The following ADAMTS19 variants were observed in gnomAD, a reference collection of about 807,000 sequenced individuals.
ADAMTS19 encodes A disintegrin and metalloproteinase with thrombospondin motifs 19.
In ADAMTS19, 93 loss-of-function variants were observed where a neutral mutation model predicts 153.3. That is an observed-to-expected ratio of 0.61 (90% CI 0.51 to 0.72). The LOEUF (loss-of-function observed/expected upper bound fraction) is 0.72. ADAMTS19 is among the 30% of genes least tolerant of loss of function. The pLI, the probability that ADAMTS19 is intolerant of heterozygous loss-of-function variation, is 0.00. For synonymous variants in ADAMTS19, 600 were observed against 556.6 expected, an observed-to-expected ratio of 1.08 and a Z score of -1.10; for missense variants, 1,482 against 1,552.1, an observed-to-expected ratio of 0.95 and a Z score of 0.76.
At chr5:129,514,187 T>C (rs1160508155) in intron 3 of ADAMTS19, among the ~76,000 whole-genome samples, 2 of 152,066 alleles carry the variant, frequency 1.3e-5, no homozygotes, top group Non-Finnish European at 2.9e-5. Flanking sequence ...TCAGTTCATC[T>C]GCTGATGGAC....
At chr5:129,568,362 TGG>T (rs36095190) in intron 7 of ADAMTS19, among the ~76,000 whole-genome samples, 2 of 151,766 alleles carry the variant, frequency 1.3e-5, no homozygotes, top group Non-Finnish European at 2.9e-5. Flanking sequence ...CAGTAATACA[TGG>T]GGGGGGATAA....
At chr5:129,701,269 TCTTTC>T (rs1421432016) in intron 19 of ADAMTS19, 114 bp from the exon 20 acceptor site, 1 of 1,138,848 alleles carries the variant, frequency 8.8e-7, no homozygotes, top group Non-Finnish European at 1.3e-6. Context: ...CAATTGGACC[TCTTTC>T]CTTTGTAAAT....
chr5:129,701,496 C>G lies in ADAMTS19; in HGVS notation c.3063C>G (p.Ala1021=). The G allele has an allele frequency of 1.2e-6, 2 of 1,614,162 alleles. No individual in the cohort carries two copies. Among genetic ancestry groups the G allele is most frequent in the African/African-American group, 2.7e-5 (2 of 75,044 alleles). ...QQLSNGTLIR[A]RERDCIGPKP... is the part of the protein sequence containing the mutation. Reference sequence around the variant, plus strand: ...TGAGCAATGGAACACTGATTAGAGCCCGAGAGAGGGACTGCATTGGGCCCA... The same window carrying G: ...TGAGCAATGGAACACTGATTAGAGCGCGAGAGAGGGACTGCATTGGGCCCA... Residue 1021 remains alanine (A), a synonymous_variant, in exon 20 of 23, where the codon GCC becomes GCG. Coordinates refer to ENST00000274487, the MANE Select transcript of ADAMTS19 (RefSeq NM_133638.6).
chr5:129,658,315 AAGAAAGAAAG>A (rs1490196187), intron 14 of ADAMTS19, among the ~76,000 whole-genome samples: 9 of 39,144 alleles, frequency 2.3e-4, no homozygotes, highest in Non-Finnish European at 5.8e-4. Context: ...AAGAAAAAGA[AAGAAAGAAAG>A]AAAGAAAGAA....
chr5:129,696,371 C>T (rs970956175), intron 19 of ADAMTS19, among the ~76,000 whole-genome samples: 1 of 152,130 alleles, frequency 6.6e-6, no homozygotes, highest in African/African-American at 2.4e-5. Flanking sequence ...GAGCAGAGAT[C>T]ATGCCATTGC....
chr5:129,724,710 G>T (rs969876617), intron 21 of ADAMTS19, among the ~76,000 whole-genome samples: 2 of 152,180 alleles, frequency 1.3e-5, no homozygotes, highest in Non-Finnish European at 2.9e-5. Flanking sequence ...TTCTGATTTT[G>T]TGGTGAAATG....
At chr5:129,732,409 G>C (rs1757478004) in intron 21 of ADAMTS19, among the ~76,000 whole-genome samples, 1 of 152,008 alleles carries the variant, frequency 6.6e-6, no homozygotes, top group African/African-American at 2.4e-5. Context: ...TAATAAGTTT[G>C]TATACCTAGA....
At chr5:129,735,717 G>A (rs903087973) in intron 22 of ADAMTS19, among the ~76,000 whole-genome samples, 2 of 151,822 alleles carry the variant, frequency 1.3e-5, no homozygotes, top group Non-Finnish European at 2.9e-5. Context: ...CTCAATTTCT[G>A]TTATTTAATC....
chr5:129,707,416 T>C (rs560581172), intron 21 of ADAMTS19, among the ~76,000 whole-genome samples: 139 of 152,328 alleles, frequency 9.1e-4, no homozygotes, highest in African/African-American at 3.1e-3. Flanking sequence ...AAGCCATTTC[T>C]TTCCTTTTTC....
At chr5:129,544,695 A>G (rs1422147267) in intron 6 of ADAMTS19, among the ~76,000 whole-genome samples, 1 of 152,186 alleles carries the variant, frequency 6.6e-6, no homozygotes, top group African/African-American at 2.4e-5. Context: ...AACTAAAAAA[A>G]TCTAGGTTTT....
intron 8 of ADAMTS19, among the ~76,000 whole-genome samples, chr5:129,610,171 T>G (rs1013470404): frequency 1.3e-5 from 2 of 152,024 alleles, no homozygotes; most frequent in African/African-American, 4.8e-5. Context: ...ACACCATATA[T>G]GTGAAGGGTG....
chr5:129,717,575 C>G (rs1756789340), intron 21 of ADAMTS19, among the ~76,000 whole-genome samples: 1 of 152,122 alleles, frequency 6.6e-6, no homozygotes, highest in Non-Finnish European at 1.5e-5. Flanking sequence ...AGACCAAAAA[C>G]AGTTTTTAAA....
At chr5:129,719,797 T>C (rs536006086) in intron 21 of ADAMTS19, among the ~76,000 whole-genome samples, 1 of 152,276 alleles carries the variant, frequency 6.6e-6, no homozygotes, top group Non-Finnish European at 1.5e-5. Flanking sequence ...TCCCAGGACT[T>C]TGGGAGGCCG....
In ADAMTS19 at chr5:129,658,351, A is replaced by AGAGAGAGAGAGAGAGAGAGAGAGAGAGAG. The variant is rs1554103337; in HGVS notation, c.2305-266_2305-265insGAGAGAGAGAGAGAGAGAGAGAGAGAGAG. Among the ~76,000 whole-genome samples the AGAGAGAGAGAGAGAGAGAGAGAGAGAGAG allele has an allele frequency of 5.3e-4, 70 of 133,220 alleles. 1 individual carries two copies. Among genetic ancestry groups the AGAGAGAGAGAGAGAGAGAGAGAGAGAGAG allele is most frequent in the African/African-American group, 2.1e-3 (67 of 31,598 alleles). 87.4% of individuals were successfully genotyped at this position (133,220 alleles called of 152,430 possible). ...AAAGAAAGAAAGAAAGAAAGAAAGA[A>AGAGAGAGAGAGAGAGAGAGAGAGAGAGAG]AGAAAGAAAGAAAGAAAGAGAGAGA... is the stretch of plus-strand genomic sequence containing the variant. On this transcript the variant is annotated intron_variant, in intron 14 of 22. Transcript: ENST00000274487.
chr5:129,616,747 G>C (rs189987103), intron 8 of ADAMTS19, among the ~76,000 whole-genome samples: 12 of 152,168 alleles, frequency 7.9e-5, no homozygotes, highest in Admixed American at 6.6e-4. Flanking sequence ...TGTGAGGAGA[G>C]GTGTTGCTGA....
intron 16 of ADAMTS19, among the ~76,000 whole-genome samples, chr5:129,666,196 T>C (rs1428271552): frequency 6.6e-6 from 1 of 152,012 alleles, no homozygotes; most frequent in African/African-American, 2.4e-5. Flanking sequence ...ATTAGGTCAA[T>C]TCATGATTTT....
chr5:129,495,078 T>C (rs1195898209), intron 2 of ADAMTS19, among the ~76,000 whole-genome samples: 1 of 152,076 alleles, frequency 6.6e-6, no homozygotes, highest in African/African-American at 2.4e-5. Context: ...TAAAGATCTG[T>C]AGCAAATAAT....
At chr5:129,570,547 A>G (rs1408297471) in intron 7 of ADAMTS19, among the ~76,000 whole-genome samples, 3 of 151,900 alleles carry the variant, frequency 2.0e-5, no homozygotes, top group Non-Finnish European at 4.4e-5. Flanking sequence ...TACAAATTTT[A>G]CATTAGATCT....
chr5:129,487,346 A>C (rs1162971713), intron 2 of ADAMTS19, among the ~76,000 whole-genome samples: 1 of 152,128 alleles, frequency 6.6e-6, no homozygotes, highest in Admixed American at 6.5e-5. Context: ...TTTCGACAAT[A>C]AATTTAAAAC....
Sources: gnomAD v4.1 joint callset for allele counts (sites outside exome capture counted in the v4.1 genomes callset) on GRCh38, gnomAD v4.1.1 for gene constraint, MANE v1.5 for transcripts, NCBI Gene and HGNC (gene_info 2026-07-23, HGNC 2026-07-21) for gene names.